FUT9: variants seen among roughly 807,000 people sequenced by gnomAD.
FUT9 encodes the protein fucosyltransferase 9.
A neutral mutation model predicts 29.7 loss-of-function variants in FUT9; 15 were observed. That is an observed-to-expected ratio of 0.51 (90% confidence interval 0.34 to 0.78). The LOEUF (loss-of-function observed/expected upper bound fraction) is 0.78, where lower values mean the gene tolerates loss of function less well. Ranked by LOEUF, FUT9 falls within the 30% of genes least tolerant of loss-of-function variation. The pLI, the probability that FUT9 is intolerant of heterozygous loss-of-function variation, is 0.01. For synonymous variants in FUT9, 169 were observed against 153.7 expected (o/e 1.10, Z -0.74); for missense variants, 319 against 425.4 (o/e 0.75, Z 2.20).
chr6:96,083,252 T>C (rs1771266910), intron 1 of FUT9, among the ~76,000 whole-genome samples: 1 of 152,024 alleles, frequency 6.6e-6, no homozygotes, highest in Admixed American at 6.6e-5. Flanking sequence ...GTGAGTCACA[T>C]GTATTAATAT....
intron 2 of FUT9, among the ~76,000 whole-genome samples, chr6:96,121,075 C>G (rs1772019143): frequency 6.6e-6 from 1 of 152,106 alleles, no homozygotes; most frequent in African/African-American, 2.4e-5. Flanking sequence ...ATTGAGGATA[C>G]AGTATTTTTA....
intron 1 of FUT9, among the ~76,000 whole-genome samples, chr6:96,092,054 TA>T (rs1424418790): frequency 6.6e-6 from 1 of 152,034 alleles, no homozygotes; most frequent in Non-Finnish European, 1.5e-5. Flanking sequence ...ATAGTGCAAT[TA>T]AAAATAGTAT....
At chr6:96,018,947 A>G (rs760610819) in intron 1 of FUT9, among the ~76,000 whole-genome samples, 5 of 151,952 alleles carry the variant, frequency 3.3e-5, no homozygotes, top group Admixed American at 6.5e-5. Context: ...TTAATCAAAT[A>G]AGGTAACTAA....
chr6:96,166,901 T>TC (rs1183660024), intron 2 of FUT9, among the ~76,000 whole-genome samples: 2 of 152,194 alleles, frequency 1.3e-5, no homozygotes, highest in Admixed American at 1.3e-4. Context: ...TGAATAGTTG[T>TC]CATACTGCAT....
chr6:96,174,188 A>G (rs12529953), intron 2 of FUT9, among the ~76,000 whole-genome samples: 63,680 of 151,902 alleles, frequency 0.42, 14,378 homozygotes, highest in South Asian at 0.71. Flanking sequence ...AATAAATACA[A>G]ACTTTTCACC....
chr6:96,033,359 CAGTT>C (rs954990151), intron 1 of FUT9, among the ~76,000 whole-genome samples: 1 of 151,460 alleles, frequency 6.6e-6, no homozygotes, highest in African/African-American at 2.4e-5. Flanking sequence ...AGCTGCTAAA[CAGTT>C]AGTGTACTTC....
chr6:96,064,630 T>C (rs763731479), intron 1 of FUT9, among the ~76,000 whole-genome samples: 1 of 152,186 alleles, frequency 6.6e-6, no homozygotes, highest in African/African-American at 2.4e-5. Flanking sequence ...AAGTAGCTCT[T>C]ATATAGAAAA....
chr6:96,158,513 A>G (rs957065687), intron 2 of FUT9, among the ~76,000 whole-genome samples: 1 of 152,096 alleles, frequency 6.6e-6, no homozygotes, highest in Non-Finnish European at 1.5e-5. Flanking sequence ...GGAGTTATTA[A>G]CTTCTTTCAG....
At chr6:96,148,273 C>T (rs540184246) in intron 2 of FUT9, among the ~76,000 whole-genome samples, 1 of 152,160 alleles carries the variant, frequency 6.6e-6, no homozygotes, top group Non-Finnish European at 1.5e-5. Context: ...TTCCAACCTA[C>T]AGAATAGGAA....
At chr6:96,023,833 G>C (rs1336455579) in intron 1 of FUT9, among the ~76,000 whole-genome samples, 1 of 151,820 alleles carries the variant, frequency 6.6e-6, no homozygotes, top group Non-Finnish European at 1.5e-5. Flanking sequence ...AATCAAGGCT[G>C]TGATTTTCTT....
chr6:96,027,893 TA>T (rs954928169), intron 1 of FUT9, among the ~76,000 whole-genome samples: 1 of 151,632 alleles, frequency 6.6e-6, no homozygotes, highest in African/African-American at 2.4e-5. Flanking sequence ...GTTTTCTTCA[TA>T]AAAAAACAGG....
intron 1 of FUT9, among the ~76,000 whole-genome samples, chr6:96,017,186 C>A (rs1202957580): frequency 6.6e-6 from 1 of 152,132 alleles, no homozygotes; most frequent in Non-Finnish European, 1.5e-5. Context: ...CCTTTAAAAT[C>A]TTCTTTGAAA....
At chr6:96,141,720 A>T (rs1582262927) in intron 2 of FUT9, among the ~76,000 whole-genome samples, 1 of 152,322 alleles carries the variant, frequency 6.6e-6, no homozygotes, top group Admixed American at 6.5e-5. Context: ...TTATGTTGCA[A>T]GCTGAGAATC....
At chr6:96,189,041 C>T (rs370516865) in intron 2 of FUT9, among the ~76,000 whole-genome samples, 28 of 151,970 alleles carry the variant, frequency 1.8e-4, no homozygotes, top group African/African-American at 3.1e-4. Context: ...AAAAATGACA[C>T]GTGGTACTAT....
intron 1 of FUT9, among the ~76,000 whole-genome samples, chr6:96,091,256 A>C (rs1178087103): frequency 6.6e-6 from 1 of 152,254 alleles, no homozygotes; most frequent in East Asian, 1.9e-4. Context: ...TGTTTAACCT[A>C]AATTTAACCA....
intron 1 of FUT9, among the ~76,000 whole-genome samples, chr6:96,049,589 C>G (rs148910143): frequency 6.6e-6 from 1 of 152,176 alleles, no homozygotes; most frequent in Non-Finnish European, 1.5e-5. Flanking sequence ...TAATACTCAT[C>G]CATTTGTATT....
chr6:96,140,327 T>G (rs1280613813), intron 2 of FUT9, among the ~76,000 whole-genome samples: 1 of 152,328 alleles, frequency 6.6e-6, no homozygotes, highest in East Asian at 1.9e-4. Context: ...TACTGTCTTC[T>G]GAGCCTTCCA....
intron 1 of FUT9, among the ~76,000 whole-genome samples, chr6:96,055,508 TA>T (rs1280402158): frequency 4.6e-5 from 7 of 151,846 alleles, no homozygotes; most frequent in Non-Finnish European, 7.4e-5. Context: ...ATTTAGATTT[TA>T]AAAAAATCTT....
At chr6:96,164,896 A>G (rs1362776043) in intron 2 of FUT9, among the ~76,000 whole-genome samples, 4 of 152,228 alleles carry the variant, frequency 2.6e-5, no homozygotes, top group Non-Finnish European at 5.9e-5. Context: ...CAGATGTTCA[A>G]TAGCCATGTA....
Sources: gnomAD v4.1 joint callset for allele counts (sites outside exome capture counted in the v4.1 genomes callset) on GRCh38, gnomAD v4.1.1 for gene constraint, MANE v1.5 for transcripts, NCBI Gene and HGNC (gene_info 2026-07-23, HGNC 2026-07-21) for gene names.